SPRED2: variants seen among roughly 807,000 people sequenced by gnomAD.
SPRED2 encodes the protein sprouty-related, EVH1 domain-containing protein 2.
Under a neutral mutation model 43.0 loss-of-function variants are expected in SPRED2, and 47 were observed. The ratio of observed to expected loss-of-function variants is 1.09; its 90% confidence interval spans 0.87 to 1.40. The LOEUF (loss-of-function observed/expected upper bound fraction) is 1.40. SPRED2 is among the 40% of genes most tolerant of loss of function. SPRED2 has a pLI of 0.00. For missense variants in SPRED2, 561 were observed against 586.4 expected (o/e 0.96, Z 0.45); for synonymous variants, 225 against 225.7 (o/e 1.00, Z 0.03).
chr2:65,407,245 CT>C (rs70943650), intron 1 of SPRED2, among the ~76,000 whole-genome samples: 119 of 120,860 alleles, frequency 9.8e-4, no homozygotes, highest in Admixed American at 1.2e-3. Context: ...GCGCTGGCTC[CT>C]TTTTTTTTTT....
intron 1 of SPRED2, among the ~76,000 whole-genome samples, chr2:65,401,937 GCACACACACACACACA>G (rs1553426622): frequency 1.7e-5 from 2 of 114,714 alleles, no homozygotes; most frequent in African/African-American, 6.8e-5. Context: ...GCGCGCGCGC[GCACACACACACACACA>G]CACACACACA....
At chr2:65,371,708 GC>G (rs1450221590) in intron 1 of SPRED2, among the ~76,000 whole-genome samples, 2 of 152,070 alleles carry the variant, frequency 1.3e-5, no homozygotes, top group African/African-American at 4.8e-5. Context: ...GTTCAGCTTG[GC>G]CAGAGCCAGA....
chr2:65,311,834 T>TGAGC lies in SPRED2; in HGVS notation c.*1663_*1666dup. The TGAGC allele has an allele frequency of 1.0e-6, 1 of 985,400 alleles. No individual in the cohort carries two copies. The highest frequency in any genetic ancestry group is 1.2e-6 in the Non-Finnish European group (1 of 829,940). 61.0% of individuals were successfully genotyped at this position (985,400 alleles called of 1,614,324 possible). On this transcript the variant is annotated 3_prime_UTR_variant, in exon 6 of 6. Coordinates refer to ENST00000356388, the MANE Select transcript of SPRED2 (RefSeq NM_181784.3). The stretch of plus-strand genomic sequence containing the variant: ...CGAGCTGGAAACAGCCCCATGAAGG[T>TGAGC]GAGCACAGCTAGCACTTTCCCAATA...
chr2:65,407,192 G>C (rs1331650976), intron 1 of SPRED2, among the ~76,000 whole-genome samples: 1 of 149,888 alleles, frequency 6.7e-6, no homozygotes, highest in East Asian at 1.9e-4. Flanking sequence ...CTCCCAAAGT[G>C]CTGGAATTAC....
At chr2:65,363,595 G>A (rs1178180898) in intron 1 of SPRED2, among the ~76,000 whole-genome samples, 1 of 152,184 alleles carries the variant, frequency 6.6e-6, no homozygotes, top group Non-Finnish European at 1.5e-5. Flanking sequence ...CAGATGTGGG[G>A]AGGACAATAT....
chr2:65,390,274 GA>G (rs1279778717), intron 1 of SPRED2, among the ~76,000 whole-genome samples: 1 of 152,202 alleles, frequency 6.6e-6, no homozygotes, highest in Non-Finnish European at 1.5e-5. Flanking sequence ...TAGCAAAACT[GA>G]AAGAACTCTA....
intron 1 of SPRED2, among the ~76,000 whole-genome samples, chr2:65,401,300 G>A (rs1408468396): frequency 1.3e-5 from 2 of 151,972 alleles, no homozygotes; most frequent in Non-Finnish European, 2.9e-5. Context: ...TACAGTTTTG[G>A]GAGGAAGCAG....
chr2:65,428,757 C>T (rs1676610912), intron 1 of SPRED2, among the ~76,000 whole-genome samples: 1 of 152,156 alleles, frequency 6.6e-6, no homozygotes, highest in African/African-American at 2.4e-5. Context: ...AATGGCAGCT[C>T]GATGTCTCCA....
At chr2:65,422,077 A>AACACACACACAC (rs367817858) in intron 1 of SPRED2, among the ~76,000 whole-genome samples, 1,374 of 127,458 alleles carry the variant, frequency 0.011, 19 homozygotes, top group African/African-American at 0.034. Context: ...TTGTATGTAC[A>AACACACACACAC]ACACACACAC....
intron 1 of SPRED2, among the ~76,000 whole-genome samples, chr2:65,363,887 C>G (rs907102176): frequency 1.3e-5 from 2 of 152,150 alleles, no homozygotes; most frequent in African/African-American, 2.4e-5. Flanking sequence ...TAAAAATCTG[C>G]AAGCCAGCAA....
At chr2:65,358,460 T>C (rs1674718460) in intron 1 of SPRED2, among the ~76,000 whole-genome samples, 1 of 152,246 alleles carries the variant, frequency 6.6e-6, no homozygotes. Context: ...CAGTTGATTC[T>C]ATCTGCCTTA....
chr2:65,386,292 AAAAAAAAAAAAAG>A (rs1180162946), intron 1 of SPRED2, among the ~76,000 whole-genome samples: 13 of 146,460 alleles, frequency 8.9e-5, no homozygotes, highest in South Asian at 4.4e-4. Context: ...TCTCAAAAAA[AAAAAAAAAAAAAG>A]AAAGCACTGG....
chr2:65,355,554 C>A (rs1037981686), intron 1 of SPRED2, among the ~76,000 whole-genome samples: 1 of 151,936 alleles, frequency 6.6e-6, no homozygotes, highest in Non-Finnish European at 1.5e-5. Flanking sequence ...TCGTCTCCAT[C>A]AAAAATACAA....
In SPRED2 at chr2:65,326,432, G is replaced by C. The variant is rs566612903; in HGVS notation, c.438+5555C>G. ...GGGAACAGGTAGCTCCGGCTCATCT[G>C]TCCTGAGGGCCTACGTTGGTTCCAG... is the stretch of plus-strand genomic sequence containing the variant. On this transcript the variant is annotated intron_variant, in intron 4 of 5. Transcript: ENST00000356388. 8.9e-4 allele frequency among the ~76,000 whole-genome samples: 135 copies of C among 152,318 alleles called. No individual in the cohort carries two copies. The Middle Eastern group carries it at 0.01, about 12-fold the overall frequency.
At chr2:65,397,797 A>G (rs1675791748) in intron 1 of SPRED2, among the ~76,000 whole-genome samples, 1 of 152,190 alleles carries the variant, frequency 6.6e-6, no homozygotes, top group South Asian at 2.1e-4. Context: ...CGATATTGTG[A>G]AAATGACCAT....
chr2:65,414,031 G>A (rs191408147), intron 1 of SPRED2, among the ~76,000 whole-genome samples: 6 of 152,184 alleles, frequency 3.9e-5, no homozygotes, highest in South Asian at 2.1e-4. Flanking sequence ...GGGATATACC[G>A]TCCCAGAAAA....
intron 1 of SPRED2, among the ~76,000 whole-genome samples, chr2:65,392,492 T>A (rs1235050042): frequency 1.3e-5 from 2 of 152,226 alleles, no homozygotes; most frequent in Non-Finnish European, 2.9e-5. Flanking sequence ...AAAACTTTTA[T>A]GTGTGGACAA....
In SPRED2 at chr2:65,352,444, G is replaced by C. The variant is rs17755330; in HGVS notation, c.27-7548C>G. On this transcript the variant is annotated intron_variant, in intron 1 of 5. Transcript: ENST00000356388. ...AAAAGAACCCGTGTACTTAAACAGG[G>C]ACTAACACTTTCCTGTGAGCTCACA... is the stretch of plus-strand genomic sequence containing the variant. Among the ~76,000 whole-genome samples, 1,095 of 152,300 alleles carry C rather than the reference G, an allele frequency of 7.2e-3. 7 individuals are homozygous for C. Among genetic ancestry groups the C allele is most frequent in the Admixed American group, 0.013 (196 of 15,308 alleles).
At chr2:65,387,241 C>T (rs1324123550) in intron 1 of SPRED2, among the ~76,000 whole-genome samples, 1 of 152,204 alleles carries the variant, frequency 6.6e-6, no homozygotes. Flanking sequence ...CTGACCGGAA[C>T]AATCTCCTCA....
Sources: gnomAD v4.1 joint callset for allele counts (sites outside exome capture counted in the v4.1 genomes callset) on GRCh38, gnomAD v4.1.1 for gene constraint, MANE v1.5 for transcripts, NCBI Gene and HGNC (gene_info 2026-07-23, HGNC 2026-07-21) for gene names.